DNAJB12: variants seen among roughly 807,000 people sequenced by gnomAD.
DNAJB12 encodes dnaJ homolog subfamily B member 12.
Under a neutral mutation model 40.6 loss-of-function variants are expected in DNAJB12, and 14 were observed. That is an observed-to-expected ratio of 0.34 (90% CI 0.23 to 0.54). The LOEUF (loss-of-function observed/expected upper bound fraction) is 0.54, where lower values mean the gene tolerates loss of function less well. Ranked by LOEUF, DNAJB12 falls within the 20% of genes least tolerant of loss-of-function variation. DNAJB12 has a pLI of 0.92. For missense variants in DNAJB12, 444 were observed against 501.7 expected, an observed-to-expected ratio of 0.89 and a Z score of 1.10; for synonymous variants, 181 against 199.5, an observed-to-expected ratio of 0.91 and a Z score of 0.78.
At chr10:72,337,342 G>T (rs1861505812) in intron 6 of DNAJB12, among the ~76,000 whole-genome samples, 1 of 152,216 alleles carries the variant, frequency 6.6e-6, no homozygotes, top group Non-Finnish European at 1.5e-5. Flanking sequence ...CCCCCTGCTG[G>T]CTGAGAAGGG....
Position 72,335,165 on chromosome 10 carries a change from T to G in DNAJB12, c.*31-548A>C. 1.0e-6 allele frequency: 1 copy of G among 988,302 alleles called. No individual in the cohort carries two copies. The highest frequency in any genetic ancestry group is 4.6e-5 in the South Asian group (1 of 21,826). The allele number at this position is 988,302 out of a possible 1,614,324, so 61.2% of individuals were successfully genotyped here. On this transcript the variant is annotated intron_variant, in intron 8 of 8. Transcript: ENST00000444643. This position sits in a 1 kb window ranked among gnomAD's most constrained non-coding sequence, Gnocchi z 4.4. ...GTGTGACGGCATTCGAGAGAGTGCC[T>G]CAGATCCCACCAGAGGGGGGTGGTC...
In DNAJB12 at chr10:72,341,081, GC is replaced by G; in HGVS notation, c.546del (p.His183ThrfsTer62). 1 of 1,614,190 alleles carries G rather than the reference GC, an allele frequency of 6.2e-7. No individual in the cohort carries two copies. On this transcript the variant is annotated frameshift_variant, in exon 4 of 9. Transcript: ENST00000444643. LOFTEE classifies it high-confidence loss of function. ...QFGDDKSQAARHGHGHGDFHR... is the reference protein window; with the variant it reads ...QFGDDKSQAAXHGHGHGDFHR... The stretch of plus-strand genomic sequence containing the variant: ...TGGAAATCCCCATGCCCATGGCCGT[GC>G]CGGGCCGCCTGGCTCTTGTCATCGC...
At position 72,338,308 on chromosome 10, in the gene DNAJB12, C is replaced by A; in HGVS notation, c.727G>T (p.Gly243Trp). 2 of 1,613,894 alleles carry A rather than the reference C, an allele frequency of 1.2e-6. No homozygotes were observed. Among genetic ancestry groups the A allele is most frequent in the Non-Finnish European group, 1.7e-6 (2 of 1,179,880 alleles). ...QDRRDNQGDG[G>W]LGVFVQLMPI... ...ATCAGCTGCACAAACACCCCTAGCC[C>A]GCCCTGGAGGGAAGAGCCAATGTCA... The change falls in exon 6 of 9, where the codon GGG becomes TGG. Residue 243 changes from glycine to tryptophan, a missense_variant. Physicochemically the swap from Gly to Trp is radical, Grantham distance 184. Coordinates refer to ENST00000444643, the MANE Select transcript of DNAJB12 (RefSeq NM_017626.7).
intron 1 of DNAJB12, chr10:72,353,372 C>A (rs1266304222): frequency 6.6e-6 from 1 of 152,256 alleles, no homozygotes; most frequent in Non-Finnish European, 1.5e-5. Flanking sequence ...CAGCCCGAAA[C>A]CCTCTCCAAG....
chr10:72,339,238 CAA>C (rs10695425), intron 5 of DNAJB12, among the ~76,000 whole-genome samples: 25 of 111,286 alleles, frequency 2.2e-4, no homozygotes, highest in Admixed American at 1.9e-4. Context: ...GACCCTGTCT[CAA>C]AAAAAAAAAA....
intron 1 of DNAJB12, among the ~76,000 whole-genome samples, chr10:72,345,463 G>A (rs1457355640): frequency 1.3e-5 from 2 of 151,214 alleles, no homozygotes; most frequent in African/African-American, 4.9e-5. Flanking sequence ...TTAGCCAGAT[G>A]TGGTGGCGGG....
chr10:72,340,155 G>A (rs1861591564), intron 5 of DNAJB12, among the ~76,000 whole-genome samples: 1 of 151,412 alleles, frequency 6.6e-6, no homozygotes, highest in South Asian at 2.1e-4. Context: ...GGCCAGCCTG[G>A]CCAACATGGT....
At chr10:72,342,520 C>T (rs1054247432) in intron 3 of DNAJB12, among the ~76,000 whole-genome samples, 3 of 152,224 alleles carry the variant, frequency 2.0e-5, no homozygotes, top group Non-Finnish European at 4.4e-5. Context: ...CACTCTCCTC[C>T]TCCAGGGCCC....
chr10:72,351,386 G>A (rs1324657189), intron 1 of DNAJB12, among the ~76,000 whole-genome samples: 1 of 152,212 alleles, frequency 6.6e-6, no homozygotes, highest in Admixed American at 6.5e-5. Flanking sequence ...GGCCAACAGT[G>A]TGAGGTCCCT....
chr10:72,350,398 CAAAAAAAAAAAAAA>C (rs35316232), intron 1 of DNAJB12, among the ~76,000 whole-genome samples: 1 of 27,802 alleles, frequency 3.6e-5, no homozygotes, highest in Non-Finnish European at 8.2e-5. Context: ...GACCCTGTCT[CAAAAAAAAAAAAAA>C]AAAAAAAAAA....
chr10:72,343,565 G>C, intron 2 of DNAJB12, 54 bp from the exon 3 acceptor site: 1 of 1,598,394 alleles, frequency 6.3e-7, no homozygotes, highest in Non-Finnish European at 8.6e-7. Flanking sequence ...CTGTGTGAGG[G>C]GGGCGATGAA....
At chr10:72,343,564 G>T in intron 2 of DNAJB12, 53 bp from the exon 3 acceptor site, 1 of 1,599,820 alleles carries the variant, frequency 6.3e-7, no homozygotes, top group South Asian at 1.1e-5. Context: ...TCTGTGTGAG[G>T]GGGGCGATGA....
chr10:72,337,547 ATTG>A (rs1861511712), intron 6 of DNAJB12, among the ~76,000 whole-genome samples: 1 of 152,224 alleles, frequency 6.6e-6, no homozygotes, highest in South Asian at 2.1e-4. Context: ...TTAAACTAAT[ATTG>A]TTGAGCATTT....
At chr10:72,345,222 G>A in intron 1 of DNAJB12, 95 bp from the exon 2 acceptor site, 1 of 1,448,730 alleles carries the variant, frequency 6.9e-7, no homozygotes, top group Non-Finnish European at 9.4e-7. Flanking sequence ...TCCCCTCCCA[G>A]CAAAGCCACC....
At position 72,336,515 on chromosome 10, in the gene DNAJB12, C is replaced by A. The variant is rs895044250; in HGVS notation, c.1006+9G>T. 1.9e-6 allele frequency: 3 copies of A among 1,612,686 alleles called. No homozygotes were observed. Among genetic ancestry groups the A allele is most frequent in the Non-Finnish European group, 2.5e-6 (3 of 1,179,354 alleles). ...CCAAATACAGCCCCCGCCTTCCCCC[C>A]ACACTCACTCTGCTGCTTCTCCTTC... is the stretch of plus-strand genomic sequence containing the variant. On this transcript the variant is annotated intron_variant, in intron 7 of 8. Transcript: ENST00000444643.
chr10:72,340,529 G>T (rs1182128367), intron 5 of DNAJB12, among the ~76,000 whole-genome samples: 1 of 152,226 alleles, frequency 6.6e-6, no homozygotes, highest in Non-Finnish European at 1.5e-5. Context: ...TGTGGGTGGG[G>T]TTTCTGGTTC....
rs200222086 is a variant in DNAJB12 at position 72,336,691 on chromosome 10, A to G, written c.839T>C (p.Val280Ala). 6.2e-7 allele frequency: 1 copy of G among 1,613,814 alleles called. No homozygotes were observed. Among genetic ancestry groups the G allele is most frequent in the Non-Finnish European group, 8.5e-7 (1 of 1,179,796 alleles). ...PPYSLSPRPS[V>A]GHIHRRVTDH... ...AGTGACTCGCCTGTGGATGTGGCCC[A>G]CGGACCTGGCCAGAAATACCAGGTT... The change falls in exon 7 of 9, where the codon GTG becomes GCG. Residue 280 changes from valine (V) to alanine (A), a missense_variant. Coordinates refer to ENST00000444643, the MANE Select transcript of DNAJB12 (RefSeq NM_017626.7).
intron 1 of DNAJB12, among the ~76,000 whole-genome samples, chr10:72,346,966 T>C (rs1041184474): frequency 6.6e-6 from 1 of 152,050 alleles, no homozygotes; most frequent in African/African-American, 2.4e-5. Context: ...CATTGGTTTT[T>C]TTTTTTTTTC....
At position 72,332,943 on chromosome 10, in the gene DNAJB12, G is replaced by A. The variant is rs1861356128; in HGVS notation, c.*1705C>T. ...CTATGTTCTTATTGCACATGGCTCA[G>A]CCCGTCTAGGGACATCTACCAAGAC... On this transcript the variant is annotated 3_prime_UTR_variant, in exon 9 of 9. Transcript: ENST00000444643. 1 of 152,676 alleles carries A rather than the reference G, an allele frequency of 6.5e-6. No individual in the cohort carries two copies. The highest frequency in any genetic ancestry group is 2.4e-5 in the African/African-American group (1 of 41,454). The allele number at this position is 152,676 out of a possible 1,614,324, so 9.5% of individuals were successfully genotyped here. A position where few individuals can be genotyped will look rare whatever the true frequency, so the allele number is the denominator to read the frequency against.
Sources: gnomAD v4.1 joint callset for allele counts (sites outside exome capture counted in the v4.1 genomes callset) on GRCh38, gnomAD v4.1.1 for gene constraint, Gnocchi (gnomAD v3.1) non-coding constraint, MANE v1.5 for transcripts, NCBI Gene and HGNC (gene_info 2026-07-23, HGNC 2026-07-21) for gene names.